Variants in OR10C1 observed in about 807,000 individuals in gnomAD.
The protein encoded by OR10C1 is olfactory receptor 10C1.
For synonymous variants in OR10C1, 183 were observed against 174.4 expected (o/e 1.05, Z -0.39); for missense variants, 388 against 392.1 (o/e 0.99, Z 0.09).
rs763072767 is a variant in OR10C1, at chr6:29,440,426, C to T, written c.411C>T (p.His137=). ...EPLRYPLLLS[H]RVCLQLAGSA... The stretch of plus-strand genomic sequence containing the variant: ...TCCGCTACCCACTGCTGCTGAGCCA[C>T]CGGGTGTGTCTACAGCTAGCTGGGT... The change falls in exon 1 of 1, where the codon CAC becomes CAT. Residue 137 remains histidine (H), a synonymous_variant. Coordinates refer to ENST00000444197, the MANE Select transcript of OR10C1 (RefSeq NM_013941.4). The T allele has an allele frequency of 1.9e-6, 3 of 1,614,070 alleles. No homozygotes were observed. Among genetic ancestry groups the T allele is most frequent in the Admixed American group, 1.7e-5 (1 of 60,036 alleles).
At position 29,440,492 on chromosome 6, in the gene OR10C1, C is replaced by G; in HGVS notation, c.477C>G (p.Thr159=). 6.2e-7 allele frequency: 1 copy of G among 1,613,752 alleles called. No individual in the cohort carries two copies. Among genetic ancestry groups the G allele is most frequent in the African/African-American group, 1.3e-5 (1 of 75,030 alleles). Reference sequence around the variant, plus strand: ...GGGTGCTGGTGGGGCTGGGCCACACCCCTTTCATCTTCTCTTTGCCCTTCT... The same window carrying G: ...GGGTGCTGGTGGGGCTGGGCCACACGCCTTTCATCTTCTCTTTGCCCTTCT... ...ACGVLVGLGH[T]PFIFSLPFCG... Residue 159 remains threonine, a synonymous_variant, in exon 1 of 1, where the codon ACC becomes ACG. Coordinates refer to ENST00000444197, the MANE Select transcript of OR10C1 (RefSeq NM_013941.4).
chr6:29,440,951 T>A lies in OR10C1; in HGVS notation c.936T>A (p.Ile312=), dbSNP rs1290390940. 1 of 1,600,562 alleles carries A rather than the reference T, an allele frequency of 6.2e-7. No homozygotes were observed. The part of the protein sequence containing the change: ...RTIQKTVPME[I] ...TCCAGAAAACGGTGCCTATGGAGAT[T>A]TGAAAAGGGGGCGATAGTGACTTCT... The change falls in exon 1 of 1, where the codon ATT becomes ATA. Residue 312 remains isoleucine (I), a synonymous_variant. Transcript: ENST00000444197.
rs1178582063 is a variant in OR10C1, at chr6:29,440,905, A to C, written c.890A>C (p.Lys297Thr). ...IIYSLRNTEV[K>T]AALKRTIQKT... ...TACAGCCTGCGGAACACAGAGGTCAAAGCTGCCCTAAAGAGAACCATCCAG... is the reference window on the plus strand; with the variant it reads ...TACAGCCTGCGGAACACAGAGGTCACAGCTGCCCTAAAGAGAACCATCCAG... The change falls in exon 1 of 1, where the codon AAA (lysine) becomes ACA (threonine). Residue 297 changes from lysine to threonine, a missense_variant. By Grantham distance (78) the Lys-to-Thr change is moderately conservative. Transcript: ENST00000444197. 2.5e-6 allele frequency: 4 copies of C among 1,613,600 alleles called. No individual in the cohort carries two copies. The highest frequency in any genetic ancestry group is 3.4e-6 in the Non-Finnish European group (4 of 1,180,012).
At position 29,440,671 on chromosome 6, in the gene OR10C1, G is replaced by T; in HGVS notation, c.656G>T (p.Arg219Leu). The T allele has an allele frequency of 6.2e-7, 1 of 1,614,090 alleles. No homozygotes were observed. Reference protein sequence around the residue: ...PFGLILGSYGRILVTIFRIPS... With the variant: ...PFGLILGSYGLILVTIFRIPS... ...GGCCTCATCCTGGGCTCCTACGGGC[G>T]TATCCTCGTTACCATCTTCCGGATC... Residue 219 changes from arginine (R) to leucine (L), a missense_variant, in exon 1 of 1, where the codon CGT becomes CTT. Coordinates refer to ENST00000444197, the MANE Select transcript of OR10C1 (RefSeq NM_013941.4).
Position 29,440,190 on chromosome 6 carries a change from T to G in OR10C1, c.175T>G (p.Tyr59Asp). ...TGATGCTGCCCTCCAGTCCCCTATG[T>G]ACTTCTTCCTGCGCACCCTCTCGGC... ...STDAALQSPM[Y>D]FFLRTLSALE... Residue 59 changes from tyrosine (Y) to aspartate (D), a missense_variant, in exon 1 of 1, where the codon TAC (tyrosine) becomes GAC (aspartate). Physicochemically the swap from Tyr to Asp is radical, Grantham distance 160. Coordinates refer to ENST00000444197, the MANE Select transcript of OR10C1 (RefSeq NM_013941.4). The G allele has an allele frequency of 6.2e-7, 1 of 1,613,856 alleles. No homozygotes were observed. The highest frequency in any genetic ancestry group is 8.5e-7 in the Non-Finnish European group (1 of 1,180,026).
In OR10C1 at chr6:29,439,922, CAG is replaced by C; in HGVS notation, c.-87_-86del. On this transcript the variant is annotated 5_prime_UTR_variant, in exon 1 of 1. An upstream open reading frame in the 5' UTR loses its in-frame stop. Transcript: ENST00000444197. Reference sequence around the variant, plus strand: ...GGAGATCTAGTGCTGCGATCAGATGCAGAGAGAGGTCATCTTTGCCCATTTCA... The same window carrying C: ...GGAGATCTAGTGCTGCGATCAGATGCAGAGAGGTCATCTTTGCCCATTTCA... 3.3e-6 allele frequency: 3 copies of C among 896,566 alleles called. No individual in the cohort carries two copies. Among genetic ancestry groups the C allele is most frequent in the Non-Finnish European group, 5.3e-6 (3 of 566,384 alleles). The allele number at this position is 896,566 out of a possible 1,614,324, so 55.5% of individuals were successfully genotyped here.
rs1245777328 is a variant in OR10C1, at chr6:29,440,246, C to A, written c.231C>A (p.Val77=). 6.2e-7 allele frequency: 1 copy of A among 1,613,972 alleles called. No individual in the cohort carries two copies. Among genetic ancestry groups the A allele is most frequent in the Non-Finnish European group, 8.5e-7 (1 of 1,179,998 alleles). ...ALEIGYTSVT[V]PLLLHHLLTG... ...AGATTGGCTATACGTCTGTCACGGT[C>A]CCCCTGCTACTTCACCACCTCCTTA... The change falls in exon 1 of 1, where the codon GTC becomes GTA. Residue 77 remains valine (V), a synonymous_variant. Coordinates refer to ENST00000444197, the MANE Select transcript of OR10C1 (RefSeq NM_013941.4).
At position 29,440,219 on chromosome 6, in the gene OR10C1, G is replaced by A; in HGVS notation, c.204G>A (p.Leu68=). 6.2e-7 allele frequency: 1 copy of A among 1,613,916 alleles called. No homozygotes were observed. Among genetic ancestry groups the A allele is most frequent in the Non-Finnish European group, 8.5e-7 (1 of 1,180,000 alleles). ...MYFFLRTLSA[L]EIGYTSVTVP... is the part of the protein sequence containing the mutation. ...TCTTCCTGCGCACCCTCTCGGCCTT[G>A]GAGATTGGCTATACGTCTGTCACGG... Residue 68 remains leucine (L), a synonymous_variant, in exon 1 of 1, where the codon TTG becomes TTA. Transcript: ENST00000444197.
Position 29,440,640 on chromosome 6 carries a change from C to CCCTTTG in OR10C1, c.626_631dup (p.Phe210_Gly211insAlaPhe). On this transcript the variant is annotated inframe_insertion, in exon 1 of 1. Coordinates refer to ENST00000444197, the MANE Select transcript of OR10C1 (RefSeq NM_013941.4). ...GGCAACAGCCCTCCTCATCCTCTGC[C>CCCTTTG]CCTTTGGCCTCATCCTGGGCTCCTA... 5 of 1,614,126 alleles carry CCCTTTG rather than the reference C, an allele frequency of 3.1e-6. No individual in the cohort carries two copies. Among genetic ancestry groups the CCCTTTG allele is most frequent in the Non-Finnish European group, 4.2e-6 (5 of 1,180,006 alleles).
chr6:29,440,658 G>A lies in OR10C1; in HGVS notation c.643G>A (p.Gly215Ser). The A allele has an allele frequency of 6.2e-7, 1 of 1,614,124 alleles. No individual in the cohort carries two copies. The highest frequency in any genetic ancestry group is 1.1e-5 in the South Asian group (1 of 91,082). ...LILCPFGLIL[G>S]SYGRILVTIF... ...CCTCTGCCCCTTTGGCCTCATCCTG[G>A]GCTCCTACGGGCGTATCCTCGTTAC... The change falls in exon 1 of 1, where the codon GGC (glycine) becomes AGC (serine). Residue 215 changes from glycine to serine, a missense_variant. By Grantham distance (56) the Gly-to-Ser change is moderately conservative. Coordinates refer to ENST00000444197, the MANE Select transcript of OR10C1 (RefSeq NM_013941.4).
In OR10C1 at chr6:29,440,049, C is replaced by T; in HGVS notation, c.34C>T (p.Leu12Phe). 1 of 1,613,044 alleles carries T rather than the reference C, an allele frequency of 6.2e-7. No individual in the cohort carries two copies. Among genetic ancestry groups the T allele is most frequent in the Non-Finnish European group, 8.5e-7 (1 of 1,179,996 alleles). The change falls in exon 1 of 1, where the codon CTT becomes TTT. Residue 12 changes from leucine to phenylalanine, a missense_variant. Physicochemically the swap from Leu to Phe is conservative, Grantham distance 22. Transcript: ENST00000444197. Reference protein sequence around the residue: ...SANTSMVTEFLLLGFSHLADL... With the variant: ...SANTSMVTEFFLLGFSHLADL... Reference sequence around the variant, plus strand: ...AAACACCTCCATGGTGACTGAGTTTCTTCTTCTCGGCTTCTCCCACCTGGC... The same window carrying T: ...AAACACCTCCATGGTGACTGAGTTTTTTCTTCTCGGCTTCTCCCACCTGGC...
rs1235212781 is a variant in OR10C1, at chr6:29,439,997, T to C, written c.-19T>C. The C allele has an allele frequency of 1.3e-6, 2 of 1,595,742 alleles. No individual in the cohort carries two copies. The highest frequency in any genetic ancestry group is 1.7e-6 in the Non-Finnish European group (2 of 1,167,892). ...CCTTGCCATTTCTTTTGTCTTCCAG[T>C]CAAAGGTATGCAGGCAGGATGAGTG... On this transcript the variant is annotated 5_prime_UTR_variant, in exon 1 of 1. Transcript: ENST00000444197.
In OR10C1 at chr6:29,440,141, C is replaced by G; in HGVS notation, c.126C>G (p.Phe42Leu). ...ACCTGCTGACCGTGGCAGGCAATTTCCTCATTGTGGTGCTGGTCTCCACTG... is the reference window on the plus strand; with the variant it reads ...ACCTGCTGACCGTGGCAGGCAATTTGCTCATTGTGGTGCTGGTCTCCACTG... The part of the protein sequence containing the change: ...TIYLLTVAGN[F>L]LIVVLVSTDA... Residue 42 changes from phenylalanine (F) to leucine (L), a missense_variant, in exon 1 of 1, where the codon TTC becomes TTG. Physicochemically the swap from Phe to Leu is conservative, Grantham distance 22. Coordinates refer to ENST00000444197, the MANE Select transcript of OR10C1 (RefSeq NM_013941.4). 6.2e-7 allele frequency: 1 copy of G among 1,613,514 alleles called. No individual in the cohort carries two copies. The highest frequency in any genetic ancestry group is 1.1e-5 in the South Asian group (1 of 91,082).
Position 29,439,741 on chromosome 6 carries a change from C to A in OR10C1, c.-275C>A. On this transcript the variant is annotated 5_prime_UTR_variant, in exon 1 of 1. Transcript: ENST00000444197. ...AACTGGAAAGACAGTTTAACATGTT[C>A]TTTAGAATGATAGGCACTATCAGGA... is the stretch of plus-strand genomic sequence containing the variant. 1 of 502,566 alleles carries A rather than the reference C, an allele frequency of 2.0e-6. No individual in the cohort carries two copies. The highest frequency in any genetic ancestry group is 3.8e-5 in the South Asian group (1 of 26,026). The allele number at this position is 502,566 out of a possible 1,614,324, so 31.1% of individuals were successfully genotyped here.
In OR10C1 at chr6:29,439,929, A is replaced by G; in HGVS notation, c.-87A>G. 1.1e-6 allele frequency: 1 copy of G among 937,422 alleles called. No individual in the cohort carries two copies. The highest frequency in any genetic ancestry group is 1.7e-6 in the Non-Finnish European group (1 of 598,924). The allele number at this position is 937,422 out of a possible 1,614,324, so 58.1% of individuals were successfully genotyped here. ...TAGTGCTGCGATCAGATGCAGAGAG[A>G]GGTCATCTTTGCCCATTTCACGATT... On this transcript the variant is annotated 5_prime_UTR_variant, in exon 1 of 1. Coordinates refer to ENST00000444197, the MANE Select transcript of OR10C1 (RefSeq NM_013941.4).
Position 29,440,834 on chromosome 6 carries a change from G to T in OR10C1, c.819G>T (p.Val273=), listed in dbSNP as rs1168369760. 6.2e-7 allele frequency: 1 copy of T among 1,613,926 alleles called. No individual in the cohort carries two copies. Among genetic ancestry groups the T allele is most frequent in the African/African-American group, 1.3e-5 (1 of 75,014 alleles). The change falls in exon 1 of 1, where the codon GTG becomes GTT. Residue 273 remains valine (V), a synonymous_variant. Coordinates refer to ENST00000444197, the MANE Select transcript of OR10C1 (RefSeq NM_013941.4). ...ASYDPATDPL[V]SLFYAVVTPI... ...ACGATCCGGCCACTGACCCTCTGGT[G>T]TCCCTCTTCTATGCTGTGGTCACCC...
Position 29,440,870 on chromosome 6 carries a change from C to A in OR10C1, c.855C>A (p.Asn285Lys). Residue 285 changes from asparagine (N) to lysine (K), a missense_variant, in exon 1 of 1, where the codon AAC becomes AAA. Asn to Lys is a moderately conservative substitution (Grantham distance 94). Transcript: ENST00000444197. ...LFYAVVTPIL[N>K]PIIYSLRNTE... ...ATGCTGTGGTCACCCCCATCCTCAACCCCATCATCTACAGCCTGCGGAACA... is the reference window on the plus strand; with the variant it reads ...ATGCTGTGGTCACCCCCATCCTCAAACCCATCATCTACAGCCTGCGGAACA... The A allele has an allele frequency of 2.5e-6, 4 of 1,613,894 alleles. No individual in the cohort carries two copies. Among genetic ancestry groups the A allele is most frequent in the Non-Finnish European group, 3.4e-6 (4 of 1,179,942 alleles).
chr6:29,440,939 G>A lies in OR10C1; in HGVS notation c.924G>A (p.Val308=). The A allele has an allele frequency of 1.9e-6, 3 of 1,609,028 alleles. No homozygotes were observed. The highest frequency in any genetic ancestry group is 2.5e-6 in the Non-Finnish European group (3 of 1,178,326). Residue 308 remains valine (V), a synonymous_variant, in exon 1 of 1, where the codon GTG becomes GTA. Transcript: ENST00000444197. ...TAAAGAGAACCATCCAGAAAACGGT[G>A]CCTATGGAGATTTGAAAAGGGGGCG... ...AALKRTIQKT[V]PMEI
chr6:29,440,750 C>G lies in OR10C1; in HGVS notation c.735C>G (p.Ile245Met), dbSNP rs138514441. 6.6e-4 allele frequency: 1,064 copies of G among 1,614,006 alleles called. No homozygotes were observed. Among genetic ancestry groups the G allele is most frequent in the Non-Finnish European group, 7.6e-4 (891 of 1,179,868 alleles). The change falls in exon 1 of 1, where the codon ATC (isoleucine) becomes ATG (methionine). Residue 245 changes from isoleucine (I) to methionine (M), a missense_variant. Coordinates refer to ENST00000444197, the MANE Select transcript of OR10C1 (RefSeq NM_013941.4). ...KAFSTCSSHL[I>M]MVSLFYGTAL... is the part of the protein sequence containing the mutation. ...TCTCCACCTGCTCCTCCCACCTGAT[C>G]ATGGTCTCCCTCTTCTATGGCACCG...
Sources: allele counts gnomAD v4.1 joint callset, GRCh38; gene constraint gnomAD v4.1.1; transcripts MANE v1.5; gene names NCBI Gene and HGNC (gene_info 2026-07-23, HGNC 2026-07-21).